TTC6: variants seen among roughly 807,000 people sequenced by gnomAD.
The protein encoded by TTC6 is tetratricopeptide repeat domain 6.
Under a neutral mutation model 210.4 loss-of-function variants are expected in TTC6, and 172 were observed. The ratio of observed to expected loss-of-function variants is 0.82; its 90% confidence interval spans 0.72 to 0.93. The LOEUF is 0.93. Ranked by LOEUF, TTC6 falls within the 40% of genes least tolerant of loss-of-function variation. The probability of loss-of-function intolerance (pLI) is 0.00; values close to 1 mark genes in which losing one functional copy is unlikely to be tolerated. For missense variants in TTC6, 2,414 were observed against 2,318.1 expected (o/e 1.04, Z -0.85); for synonymous variants, 804 against 819.6 (o/e 0.98, Z 0.32).
At chr14:37,732,219 G>T (rs191137390) in intron 7 of TTC6, among the ~76,000 whole-genome samples, 10,661 of 109,764 alleles carry the variant, frequency 0.097, 1,779 homozygotes, top group African/African-American at 0.34. Flanking sequence ...GTCTCACTCT[G>T]TCACCCAGGC....
chr14:37,788,548 A>G (rs1279295370), intron 15 of TTC6, among the ~76,000 whole-genome samples: 4 of 152,196 alleles, frequency 2.6e-5, no homozygotes, highest in Admixed American at 6.5e-5. Context: ...ACAGGAGTCT[A>G]GTGTCCTCCC....
At chr14:37,778,705 G>A (rs1172128725) in intron 14 of TTC6, among the ~76,000 whole-genome samples, 2 of 152,150 alleles carry the variant, frequency 1.3e-5, no homozygotes, top group Non-Finnish European at 2.9e-5. Flanking sequence ...ATAGTCAGGG[G>A]TGGTCTGCCA....
At chr14:37,830,066 C>T (rs564361802) in intron 29 of TTC6, among the ~76,000 whole-genome samples, 8 of 152,024 alleles carry the variant, frequency 5.3e-5, no homozygotes, top group East Asian at 1.9e-4. Context: ...AACAATATTC[C>T]TTGGAGTTTT....
chr14:37,708,647 T>C (rs1252337999), intron 5 of TTC6, among the ~76,000 whole-genome samples: 4 of 152,134 alleles, frequency 2.6e-5, no homozygotes, highest in Admixed American at 2.0e-4. Flanking sequence ...TGACCTAATC[T>C]AGGAAGAATG....
chr14:37,603,845 C>T (rs1252165362), intron 1 of TTC6, among the ~76,000 whole-genome samples: 2 of 152,176 alleles, frequency 1.3e-5, no homozygotes, highest in African/African-American at 4.8e-5. Flanking sequence ...AATGCAATTC[C>T]GGCTTGGAAT....
chr14:37,701,195 A>G, intron 4 of TTC6, 137 bp from the exon 7 acceptor site: 1 of 561,596 alleles, frequency 1.8e-6, no homozygotes, highest in Non-Finnish European at 2.8e-6. Flanking sequence ...GTTATATACC[A>G]TTATTATAGT....
At chr14:37,686,162 A>G (rs1957592) in intron 3 of TTC6, among the ~76,000 whole-genome samples, 151,570 of 152,168 alleles carry the variant, frequency 1, 75,494 homozygotes, top group Middle Eastern at 1. Flanking sequence ...TACTAGTAGT[A>G]TGACCTTAGG....
chr14:37,719,020 A>C (rs2095857124), intron 6 of TTC6, among the ~76,000 whole-genome samples: 1 of 152,140 alleles, frequency 6.6e-6, no homozygotes, highest in Non-Finnish European at 1.5e-5. Context: ...AAGATACAAA[A>C]AAAACCATGA....
At chr14:37,613,548 A>C (rs2095637938) in intron 2 of TTC6, among the ~76,000 whole-genome samples, 1 of 152,130 alleles carries the variant, frequency 6.6e-6, no homozygotes, top group Non-Finnish European at 1.5e-5. Flanking sequence ...AAAGAAATTT[A>C]TGTAAGATGG....
At chr14:37,665,899 T>A (rs1259532915) in intron 1 of TTC6, among the ~76,000 whole-genome samples, 1 of 150,442 alleles carries the variant, frequency 6.6e-6, no homozygotes, top group East Asian at 1.9e-4. Context: ...TAAATCAAGC[T>A]TGTCCTCTCA....
At position 37,771,655 on chromosome 14, in the gene TTC6, C is replaced by T. The variant is rs571795317; in HGVS notation, c.3267-15813C>T. On this transcript the variant is annotated intron_variant, in intron 14 of 30. Transcript: ENST00000553443. ...CTCGAGCCTTGGTTTTCAGCTCCAT[C>T]AGCTCCTTTAAGCACTTCTCTGTAT... 1.5e-3 allele frequency among the ~76,000 whole-genome samples: 221 copies of T among 152,278 alleles called. 1 individual carries two copies. The highest frequency in any genetic ancestry group is 2.4e-3 in the Non-Finnish European group (162 of 68,004).
At chr14:37,657,271 C>T (rs1595068901) in intron 1 of TTC6, among the ~76,000 whole-genome samples, 3 of 129,326 alleles carry the variant, frequency 2.3e-5, no homozygotes, top group South Asian at 5.3e-4. Flanking sequence ...TCAATAAATT[C>T]TGAGTGAGTG....
At chr14:37,612,534 C>T (rs1248483852) in intron 2 of TTC6, among the ~76,000 whole-genome samples, 2 of 151,972 alleles carry the variant, frequency 1.3e-5, no homozygotes, top group Admixed American at 1.3e-4. Flanking sequence ...ATTTAAAAAC[C>T]TGCTGTATTT....
chr14:37,787,740 A>G (rs1045533052), intron 15 of TTC6, 103 bp downstream of exon 17: 2 of 744,772 alleles, frequency 2.7e-6, no homozygotes, highest in Non-Finnish European at 3.9e-6. Context: ...TGTAATATGT[A>G]TACTACTATA....
chr14:37,752,510 C>A (rs1046087305), intron 13 of TTC6, among the ~76,000 whole-genome samples: 2 of 78,122 alleles, frequency 2.6e-5, no homozygotes, highest in Non-Finnish European at 5.4e-5. Flanking sequence ...ATTTTGAAAT[C>A]TTTAGGATTT....
intron 1 of TTC6, among the ~76,000 whole-genome samples, chr14:37,635,227 A>G (rs2095677838): frequency 6.6e-6 from 1 of 152,226 alleles, no homozygotes; most frequent in Non-Finnish European, 1.5e-5. Context: ...TTTCATGTGT[A>G]ACTCTAATTG....
Position 37,686,472 on chromosome 14 carries a change from G to A in TTC6, c.1257+3508G>A, listed in dbSNP as rs140782263. Among the ~76,000 whole-genome samples the A allele has an allele frequency of 2.3e-3, 351 of 152,264 alleles. 1 individual carries two copies. Among genetic ancestry groups the A allele is most frequent in the African/African-American group, 8.2e-3 (342 of 41,562 alleles). ...TGCACAACTAGTACATGGAAGTCTC[G>A]TGGACTGCTACAGGGCTGTGTCCAA... On this transcript the variant is annotated intron_variant, in intron 3 of 30. Transcript: ENST00000553443.
rs1038799138 is a variant in TTC6, at chr14:37,794,991, A to C, written c.3709-279A>C. Among the ~76,000 whole-genome samples the C allele has an allele frequency of 3.9e-5, 6 of 152,220 alleles. 1 individual carries two copies. Among genetic ancestry groups the C allele is most frequent in the Admixed American group, 2.6e-4 (4 of 15,272 alleles). Reference sequence around the variant, plus strand: ...GAGAACACAAACACGTACACAATCCAGAATGTATTATATAATCACATTTAT... The same window carrying C: ...GAGAACACAAACACGTACACAATCCCGAATGTATTATATAATCACATTTAT... On this transcript the variant is annotated intron_variant, in intron 17 of 30. Coordinates refer to ENST00000553443, the Ensembl canonical transcript of TTC6.
In TTC6 at chr14:37,796,917, A is replaced by G. The variant is rs748428474; in HGVS notation, c.3999A>G (p.Ala1333=). The change falls in exon 20 of 31, where the codon GCA becomes GCG. Residue 1333 remains alanine (A), a synonymous_variant. Transcript: ENST00000553443. ...AGATGACCATGTGTGCTCTATTAGC[A>G]AAAGTTCAAATGAAGGCCAAGAGAA... 4 of 1,603,714 alleles carry G rather than the reference A, an allele frequency of 2.5e-6. No individual in the cohort carries two copies. The Admixed American group carries it at 6.9e-5, about 27-fold the overall frequency.
Sources: allele counts gnomAD v4.1 joint callset (sites outside exome capture counted in the v4.1 genomes callset), GRCh38; gene constraint gnomAD v4.1.1; transcripts MANE v1.5; gene names NCBI Gene and HGNC (gene_info 2026-07-23, HGNC 2026-07-21).